The following NPAS3 variants were observed in gnomAD, a reference collection of about 807,000 sequenced individuals.
NPAS3 encodes neuronal PAS domain protein 3.
A neutral mutation model predicts 73.1 loss-of-function variants in NPAS3; 14 were observed. That is an observed-to-expected ratio of 0.19 (90% CI 0.13 to 0.30). NPAS3 has a LOEUF of 0.30. NPAS3 is among the 10% of genes least tolerant of loss of function. The pLI is 1.00. For synonymous variants in NPAS3, 620 were observed against 541.5 expected, an observed-to-expected ratio of 1.14 and a Z score of -2.01; for missense variants, 1,096 against 1,250.0, an observed-to-expected ratio of 0.88 and a Z score of 1.86.
At chr14:33,677,991 C>G (rs1595419557) in intron 6 of NPAS3, among the ~76,000 whole-genome samples, 1 of 152,242 alleles carries the variant, frequency 6.6e-6, no homozygotes, top group Middle Eastern at 3.4e-3. Flanking sequence ...GTTGGAGAAC[C>G]TCTTCCTCAT....
chr14:32,996,643 C>A (rs986239899), intron 1 of NPAS3, among the ~76,000 whole-genome samples: 4 of 152,132 alleles, frequency 2.6e-5, no homozygotes, highest in African/African-American at 9.7e-5. Context: ...AAGCCTCAAG[C>A]CTTGGCAGCT....
chr14:33,022,445 A>C (rs1007165320), intron 1 of NPAS3, among the ~76,000 whole-genome samples: 4 of 152,136 alleles, frequency 2.6e-5, no homozygotes, highest in African/African-American at 7.2e-5. Context: ...CGGGCGGATC[A>C]CGAGGTCAGG....
At chr14:33,156,558 A>G (rs56998565) in intron 2 of NPAS3, among the ~76,000 whole-genome samples, 87,783 of 152,058 alleles carry the variant, frequency 0.58, 25,452 homozygotes, top group East Asian at 0.71. Context: ...ATCATTTAAC[A>G]TTTTAAATTT....
intron 3 of NPAS3, among the ~76,000 whole-genome samples, chr14:33,362,925 C>T (rs1463825723): frequency 2.0e-5 from 3 of 152,090 alleles, no homozygotes; most frequent in Non-Finnish European, 4.4e-5. Flanking sequence ...TCAAGTGATC[C>T]CTCCAATAGC....
intron 2 of NPAS3, among the ~76,000 whole-genome samples, chr14:33,084,727 G>C (rs1005751208): frequency 2.0e-5 from 3 of 152,146 alleles, no homozygotes; most frequent in African/African-American, 7.2e-5. Flanking sequence ...TTTGAGTGTA[G>C]AGAAGGAATA....
At chr14:33,511,291 T>A (rs139193050) in intron 4 of NPAS3, among the ~76,000 whole-genome samples, 3 of 152,220 alleles carry the variant, frequency 2.0e-5, no homozygotes, top group East Asian at 3.9e-4. Flanking sequence ...TTTATGGCTC[T>A]GTTTGATTTG....
At chr14:33,603,372 A>G (rs368143425) in intron 5 of NPAS3, among the ~76,000 whole-genome samples, 66 of 152,176 alleles carry the variant, frequency 4.3e-4, no homozygotes, top group African/African-American at 1.5e-3. Context: ...GTAGCCTAAT[A>G]TCCGTGTAAG....
At chr14:33,104,972 G>A (rs1258464018) in intron 2 of NPAS3, among the ~76,000 whole-genome samples, 2 of 152,174 alleles carry the variant, frequency 1.3e-5, no homozygotes, top group African/African-American at 2.4e-5. Flanking sequence ...TTGCTGATGT[G>A]TAAGGAAGGT....
chr14:33,726,656 T>C (rs2061275425), intron 6 of NPAS3, among the ~76,000 whole-genome samples: 1 of 152,158 alleles, frequency 6.6e-6, no homozygotes, highest in Non-Finnish European at 1.5e-5. Flanking sequence ...TTATTGTATC[T>C]ATTTTTGCTC....
intron 3 of NPAS3, among the ~76,000 whole-genome samples, chr14:33,240,594 ACT>A (rs1181788305): frequency 6.7e-6 from 1 of 149,802 alleles, no homozygotes; most frequent in East Asian, 1.9e-4. Flanking sequence ...TCTTTAATAA[ACT>A]CTGATTCACT....
intron 2 of NPAS3, among the ~76,000 whole-genome samples, chr14:33,109,669 G>T (rs2042827183): frequency 6.6e-6 from 1 of 152,032 alleles, no homozygotes; most frequent in Non-Finnish European, 1.5e-5. Flanking sequence ...TAATGATAAA[G>T]TTGATTTTGT....
At chr14:33,126,322 T>A (rs1025785213) in intron 2 of NPAS3, among the ~76,000 whole-genome samples, 2 of 152,212 alleles carry the variant, frequency 1.3e-5, no homozygotes, top group East Asian at 3.9e-4. Context: ...GTCTACTGCC[T>A]GCTGGACAGG....
chr14:33,357,627 C>T (rs763571352), intron 3 of NPAS3, among the ~76,000 whole-genome samples: 5 of 152,226 alleles, frequency 3.3e-5, no homozygotes, highest in East Asian at 1.9e-4. Flanking sequence ...TTAGCGCCCC[C>T]GCGGGCTGGG....
intron 2 of NPAS3, among the ~76,000 whole-genome samples, chr14:33,084,028 C>T (rs917874399): frequency 4.6e-5 from 7 of 152,240 alleles, no homozygotes; most frequent in East Asian, 1.9e-4. Flanking sequence ...TTGATGTTTC[C>T]GTCACCATGG....
chr14:33,388,162 C>T (rs2138560331), intron 4 of NPAS3, among the ~76,000 whole-genome samples: 1 of 152,264 alleles, frequency 6.6e-6, no homozygotes, highest in Admixed American at 6.5e-5. Context: ...GGAAGTGGCC[C>T]TGTGTGAATG....
At chr14:33,016,756 T>C (rs2039411673) in intron 1 of NPAS3, among the ~76,000 whole-genome samples, 1 of 152,172 alleles carries the variant, frequency 6.6e-6, no homozygotes, top group Admixed American at 6.5e-5. Flanking sequence ...TAACTCCCCT[T>C]GCGGCCTTCT....
chr14:33,461,616 C>T (rs1433666573), intron 4 of NPAS3, among the ~76,000 whole-genome samples: 1 of 152,170 alleles, frequency 6.6e-6, no homozygotes, highest in African/African-American at 2.4e-5. Context: ...TTTGTATTCC[C>T]TACGTGACTG....
At chr14:33,429,654 GT>G (rs934420747) in intron 4 of NPAS3, among the ~76,000 whole-genome samples, 1 of 152,124 alleles carries the variant, frequency 6.6e-6, no homozygotes, top group Non-Finnish European at 1.5e-5. Context: ...AGGGTAAGTT[GT>G]GAAGTTTCCC....
At chr14:33,685,857 C>T (rs997665030) in intron 6 of NPAS3, among the ~76,000 whole-genome samples, 3 of 152,106 alleles carry the variant, frequency 2.0e-5, no homozygotes, top group African/African-American at 2.4e-5. Flanking sequence ...AAGAACTTGC[C>T]CCCACACCAG....
Sources: gnomAD v4.1 joint callset for allele counts (sites outside exome capture counted in the v4.1 genomes callset) on GRCh38, gnomAD v4.1.1 for gene constraint, MANE v1.5 for transcripts, NCBI Gene and HGNC (gene_info 2026-07-23, HGNC 2026-07-21) for gene names.